MEF2C: variants seen among roughly 807,000 people sequenced by gnomAD.
MEF2C encodes the protein myocyte enhancer factor 2C, also known as myocyte-specific enhancer factor 2C.
MEF2C carries 6 observed loss-of-function variants against 50.5 expected under a neutral mutation model. The observed-to-expected ratio is 0.12, with a 90% CI of 0.07 to 0.23. MEF2C has a LOEUF of 0.23. Among genes scored for constraint, MEF2C ranks in the 10% least tolerant of loss-of-function variants. The pLI is 1.00. For synonymous variants in MEF2C, 183 were observed against 228.0 expected (o/e 0.80, Z 1.78); for missense variants, 276 against 605.0 (o/e 0.46, Z 5.70).
chr5:88,792,246 A>T (rs1026430058), intron 3 of MEF2C, among the ~76,000 whole-genome samples: 2 of 152,172 alleles, frequency 1.3e-5, no homozygotes, highest in African/African-American at 4.8e-5. Flanking sequence ...TTAAAAAAAA[A>T]TACAGTATAC....
intron 1 of MEF2C, among the ~76,000 whole-genome samples, chr5:88,864,592 A>G (rs954756650): frequency 1.3e-5 from 2 of 151,276 alleles, no homozygotes; most frequent in African/African-American, 2.4e-5. Flanking sequence ...AATTATATAT[A>G]TGTATATTTA....
chr5:88,747,665 A>G lies in MEF2C; in HGVS notation c.637+1405T>C. On this transcript the variant is annotated intron_variant, in intron 6 of 10. Transcript: ENST00000504921. ...CGCCCGGCCCTTTTTTACTACTTTT[A>G]ATGACTTTCAGAACCACTACTAGCT... Among the ~76,000 whole-genome samples, 2 of 151,836 alleles carry G rather than the reference A, an allele frequency of 1.3e-5. 1 individual carries two copies. Among genetic ancestry groups the G allele is most frequent in the Non-Finnish European group, 2.9e-5 (2 of 67,930 alleles).
intron 1 of MEF2C, among the ~76,000 whole-genome samples, chr5:88,857,790 C>T (rs1824004087): frequency 6.6e-6 from 1 of 152,224 alleles, no homozygotes; most frequent in Non-Finnish European, 1.5e-5. Context: ...CCATGTGAAA[C>T]TGTGAGTTAA....
intron 10 of MEF2C, among the ~76,000 whole-genome samples, chr5:88,727,323 T>A (rs571774084): frequency 1.3e-5 from 2 of 152,294 alleles, no homozygotes; most frequent in South Asian, 4.1e-4. Context: ...AAATGAAAGG[T>A]TAGATTTTCA....
Position 88,722,917 on chromosome 5 carries a change from G to C in MEF2C, c.1109C>G (p.Thr370Ser). The change falls in exon 11 of 11, where the codon ACT (threonine) becomes AGT (serine). Residue 370 changes from threonine (T) to serine (S), a missense_variant. This residue lies in a region of MEF2C where 256 missense variants were observed against 468.1 expected (regional missense o/e 0.55). Transcript: ENST00000504921. ...PSALSQLGAC[T>S]STHLSQSSNL... ...TGAACTCTGAGATAAATGAGTGCTAGTGCAAGCTCTGTAGGAGGAAAGGAA... is the reference window on the plus strand; with the variant it reads ...TGAACTCTGAGATAAATGAGTGCTACTGCAAGCTCTGTAGGAGGAAAGGAA... The C allele has an allele frequency of 6.2e-7, 1 of 1,601,308 alleles. No individual in the cohort carries two copies. Among genetic ancestry groups the C allele is most frequent in the Non-Finnish European group, 8.5e-7 (1 of 1,171,520 alleles).
chr5:88,894,732 C>CCCTT (rs1834938385), intron 1 of MEF2C, among the ~76,000 whole-genome samples: 2 of 152,000 alleles, frequency 1.3e-5, no homozygotes, highest in Admixed American at 6.6e-5. Context: ...GATTTTATAA[C>CCCTT]CTTTAAGGAG....
intron 6 of MEF2C, chr5:88,742,441 A>T: frequency 1.0e-6 from 1 of 981,272 alleles, no homozygotes; most frequent in Non-Finnish European, 1.2e-6. Context: ...TATCCTTCAC[A>T]CTATTAGGTT....
At chr5:88,794,511 G>A (rs1240937720) in intron 3 of MEF2C, among the ~76,000 whole-genome samples, 1 of 152,064 alleles carries the variant, frequency 6.6e-6, no homozygotes, top group Non-Finnish European at 1.5e-5. Flanking sequence ...CTGTAAATCT[G>A]TTTAAGCTCC....
Position 88,812,869 on chromosome 5 carries a change from A to G in MEF2C, c.55-8068T>C, listed in dbSNP as rs1478145283. On this transcript the variant is annotated intron_variant, in intron 2 of 10. Transcript: ENST00000504921. ...AGATAACTATGGATTTTAGGGGCTG[A>G]AGTTCAGCTCAATATGGACCCAGTC... Among the ~76,000 whole-genome samples, 9 of 152,132 alleles carry G rather than the reference A, an allele frequency of 5.9e-5. No individual in the cohort carries two copies. In the East Asian group the frequency reaches 1.7e-3, roughly 29 times the overall value.
At chr5:88,789,905 T>C (rs1792906582) in intron 3 of MEF2C, among the ~76,000 whole-genome samples, 1 of 152,240 alleles carries the variant, frequency 6.6e-6, no homozygotes, top group African/African-American at 2.4e-5. Flanking sequence ...TGATTAAGTC[T>C]TTTCCCAGAA....
intron 1 of MEF2C, chr5:88,843,277 A>G (rs1293364767): frequency 1.1e-6 from 1 of 893,662 alleles, no homozygotes; most frequent in Non-Finnish European, 1.3e-6. Flanking sequence ...ATCTTACTCC[A>G]TTATCCATGT....
At chr5:88,751,764 C>T in intron 5 of MEF2C, 93 bp downstream of exon 5, 1 of 1,379,928 alleles carries the variant, frequency 7.2e-7, no homozygotes, top group South Asian at 1.4e-5. Flanking sequence ...AAGTGGAAAA[C>T]CAGAAAACAT....
At chr5:88,873,338 T>C (rs1830095597) in intron 1 of MEF2C, among the ~76,000 whole-genome samples, 1 of 151,974 alleles carries the variant, frequency 6.6e-6, no homozygotes. Flanking sequence ...GTTTCTCAAG[T>C]GTAAGGAGGT....
intron 1 of MEF2C, among the ~76,000 whole-genome samples, chr5:88,880,339 T>C (rs1300046704): frequency 6.6e-6 from 1 of 152,152 alleles, no homozygotes; most frequent in African/African-American, 2.4e-5. Context: ...TCTATGTTGC[T>C]TCGAATCATG....
At chr5:88,826,508 G>T (rs1355031741) in intron 1 of MEF2C, among the ~76,000 whole-genome samples, 1 of 151,866 alleles carries the variant, frequency 6.6e-6, no homozygotes, top group Non-Finnish European at 1.5e-5. Context: ...TTGATTATGG[G>T]TCACCACATT....
intron 3 of MEF2C, among the ~76,000 whole-genome samples, chr5:88,764,600 G>C (rs914017664): frequency 1.3e-5 from 2 of 152,044 alleles, no homozygotes; most frequent in African/African-American, 2.4e-5. Context: ...ACGAGGTCAG[G>C]AGTTTGAGCC....
intron 1 of MEF2C, among the ~76,000 whole-genome samples, chr5:88,853,002 T>C (rs568308968): frequency 1.2e-3 from 188 of 151,806 alleles, no homozygotes; most frequent in African/African-American, 3.8e-3. Context: ...GGTTAGAGGA[T>C]TGCTTGAATC....
rs1162864526 is a variant in MEF2C, at chr5:88,731,854, G to A, written c.685C>T (p.Pro229Ser). The A allele has an allele frequency of 6.2e-7, 1 of 1,613,258 alleles. No individual in the cohort carries two copies. Among genetic ancestry groups the A allele is most frequent in the Admixed American group, 1.7e-5 (1 of 59,918 alleles). The part of the protein sequence containing the change: ...PRNSPGLLVS[P>S]GNLNKNMQAK... ...TGCATATTCTTGTTCAAGTTACCAG[G>A]TGAGACCAGCAGACCTGGTGAGTTT... The change falls in exon 7 of 11, where the codon CCT becomes TCT. Residue 229 changes from proline (P) to serine (S), a missense_variant. Around this residue, in one of 2 missense-constraint regions of MEF2C, gnomAD observed 256 missense variants for 468.1 expected, o/e 0.55. Coordinates refer to ENST00000504921, the MANE Select transcript of MEF2C (RefSeq NM_002397.5).
At chr5:88,740,213 T>C (rs1765940630) in intron 6 of MEF2C, 1 of 981,804 alleles carries the variant, frequency 1.0e-6, no homozygotes, top group Non-Finnish European at 1.2e-6. Context: ...TCTTGGGCTG[T>C]GTTTTGTTCA....
Sources: allele counts gnomAD v4.1 joint callset (sites outside exome capture counted in the v4.1 genomes callset), GRCh38; gene constraint gnomAD v4.1.1; regional missense constraint gnomAD v4.1.1; transcripts MANE v1.5; gene names NCBI Gene and HGNC (gene_info 2026-07-23, HGNC 2026-07-21).